Variants in RBFOX1 observed in about 807,000 individuals in gnomAD.
The protein encoded by RBFOX1 is RNA binding fox-1 homolog 1.
In RBFOX1, 8 loss-of-function variants were observed where a neutral mutation model predicts 57.7. That is an observed-to-expected ratio of 0.14 (90% CI 0.08 to 0.25). The LOEUF (loss-of-function observed/expected upper bound fraction) is 0.25. RBFOX1 is among the 10% of genes least tolerant of loss of function. The pLI is 1.00. For missense variants in RBFOX1, 611 were observed against 548.5 expected (o/e 1.11, Z -1.14); for synonymous variants, 326 against 222.4 (o/e 1.47, Z -4.15).
At chr16:5,392,850 C>A (rs1026049626) in intron 1 of RBFOX1, among the ~76,000 whole-genome samples, 21 of 152,180 alleles carry the variant, frequency 1.4e-4, no homozygotes, top group African/African-American at 4.8e-4. Context: ...AGACTCCTGT[C>A]TCCTCTGTCT....
At chr16:7,574,637 G>C (rs772764883) in intron 5 of RBFOX1, among the ~76,000 whole-genome samples, 1 of 152,102 alleles carries the variant, frequency 6.6e-6, no homozygotes, top group Non-Finnish European at 1.5e-5. Flanking sequence ...TTTATCCTAG[G>C]CGTGTTGGCA....
At chr16:5,310,447 C>G (rs111949589) in intron 1 of RBFOX1, among the ~76,000 whole-genome samples, 10 of 151,944 alleles carry the variant, frequency 6.6e-5, no homozygotes, top group African/African-American at 2.2e-4. Context: ...ATGTTAGAAT[C>G]CCAGCTTCAA....
At chr16:5,967,450 G>A (rs1317844797) in intron 4 of RBFOX1, among the ~76,000 whole-genome samples, 4 of 152,074 alleles carry the variant, frequency 2.6e-5, no homozygotes, top group Admixed American at 6.6e-5. Flanking sequence ...TCTCCAAGAA[G>A]CCCTGATTTC....
chr16:6,283,478 C>T (rs1171997907), intron 1 of RBFOX1, among the ~76,000 whole-genome samples: 2 of 152,134 alleles, frequency 1.3e-5, no homozygotes, highest in Non-Finnish European at 2.9e-5. Flanking sequence ...CATTAACAAT[C>T]AGAGGCCTGT....
chr16:6,973,073 G>A (rs2085945353), intron 3 of RBFOX1, among the ~76,000 whole-genome samples: 1 of 152,110 alleles, frequency 6.6e-6, no homozygotes, highest in Non-Finnish European at 1.5e-5. Flanking sequence ...GGAGGCTGCA[G>A]TGAGCTGAGA....
At chr16:7,652,544 A>G (rs1261914871) in intron 11 of RBFOX1, among the ~76,000 whole-genome samples, 1 of 152,178 alleles carries the variant, frequency 6.6e-6, no homozygotes, top group African/African-American at 2.4e-5. Flanking sequence ...AGTAGCGGGA[A>G]TTATAGGCAT....
chr16:6,478,224 C>CTTTT (rs540210936), intron 2 of RBFOX1, among the ~76,000 whole-genome samples: 1 of 132,358 alleles, frequency 7.6e-6, no homozygotes, highest in African/African-American at 2.8e-5. Flanking sequence ...CCTGTCCCAG[C>CTTTT]TTTTTTTTTT....
intron 3 of RBFOX1, among the ~76,000 whole-genome samples, chr16:5,755,803 G>A (rs1405151020): frequency 6.6e-6 from 1 of 152,010 alleles, no homozygotes; most frequent in Non-Finnish European, 1.5e-5. Flanking sequence ...TCACCATGTT[G>A]GTCAGGCTGG....
At chr16:6,457,438 T>TTCCCCCCCC (rs757540836) in intron 2 of RBFOX1, among the ~76,000 whole-genome samples, 10 of 54,224 alleles carry the variant, frequency 1.8e-4, no homozygotes, top group Non-Finnish European at 3.9e-4. Context: ...TTTCCGGAAG[T>TTCCCCCCCC]CCCCCCCCCC....
At chr16:7,420,689 G>A (rs2098532342) in intron 4 of RBFOX1, among the ~76,000 whole-genome samples, 1 of 150,966 alleles carries the variant, frequency 6.6e-6, no homozygotes, top group Non-Finnish European at 1.5e-5. Flanking sequence ...ATAAATAGCA[G>A]TAATTGGGCA....
At chr16:6,194,108 A>G (rs1567653178) in intron 1 of RBFOX1, among the ~76,000 whole-genome samples, 1 of 152,136 alleles carries the variant, frequency 6.6e-6, no homozygotes, top group Non-Finnish European at 1.5e-5. Context: ...ACATCTGGTC[A>G]TCATTTCATA....
intron 4 of RBFOX1, among the ~76,000 whole-genome samples, chr16:5,955,522 G>C (rs1341995572): frequency 6.6e-6 from 1 of 152,016 alleles, no homozygotes; most frequent in Non-Finnish European, 1.5e-5. Context: ...AATCATCATA[G>C]AAGTAACAGT....
At chr16:6,822,950 G>A (rs113292222) in intron 3 of RBFOX1, among the ~76,000 whole-genome samples, 1 of 152,160 alleles carries the variant, frequency 6.6e-6, no homozygotes, top group Admixed American at 6.5e-5. Flanking sequence ...AACCATTAGA[G>A]TTCATGGACA....
At chr16:5,580,252 C>T (rs1276180141) in intron 2 of RBFOX1, among the ~76,000 whole-genome samples, 4 of 152,226 alleles carry the variant, frequency 2.6e-5, no homozygotes, top group Non-Finnish European at 4.4e-5. Context: ...GTGAGGGCAG[C>T]CTGGCTCTTC....
chr16:5,782,757 C>T (rs2054365507), intron 3 of RBFOX1, among the ~76,000 whole-genome samples: 3 of 152,170 alleles, frequency 2.0e-5, no homozygotes. Flanking sequence ...AATCTGGAGA[C>T]TCATGAAAAC....
At chr16:7,106,911 C>T (rs2063690885) in intron 4 of RBFOX1, among the ~76,000 whole-genome samples, 1 of 151,830 alleles carries the variant, frequency 6.6e-6, no homozygotes, top group Admixed American at 6.6e-5. Flanking sequence ...TGGCAGTGGG[C>T]ATGCAACAAG....
chr16:5,787,035 C>G lies in RBFOX1; in HGVS notation c.319-80268C>G, dbSNP rs184191721. On this transcript the variant is annotated intron_variant, in intron 3 of 19. Transcript: ENST00000641259. ...CCTGTAATCTCAGCTCCTTGGGAGG[C>G]TGAGGCAGGAGAATTGCTTAAACAG... Among the ~76,000 whole-genome samples, 9 of 152,230 alleles carry G rather than the reference C, an allele frequency of 5.9e-5. No homozygotes were observed. In the East Asian group the frequency reaches 1.5e-3, roughly 26 times the overall value.
intron 6 of RBFOX1, among the ~76,000 whole-genome samples, chr16:7,584,450 G>T (rs1313587013): frequency 1.3e-5 from 2 of 152,082 alleles, no homozygotes; most frequent in African/African-American, 4.8e-5. Context: ...CTACCACCAT[G>T]ACTGGGTAAT....
chr16:7,483,194 T>G (rs1318556514), intron 4 of RBFOX1, among the ~76,000 whole-genome samples: 1 of 152,192 alleles, frequency 6.6e-6, no homozygotes, highest in Non-Finnish European at 1.5e-5. Flanking sequence ...CCACCTACTA[T>G]GTGACTGCGG....
Sources: allele counts gnomAD v4.1 joint callset (sites outside exome capture counted in the v4.1 genomes callset), GRCh38; gene constraint gnomAD v4.1.1; transcripts MANE v1.5; gene names NCBI Gene and HGNC (gene_info 2026-07-23, HGNC 2026-07-21).